CDK5RAP2: variants seen among roughly 807,000 people sequenced by gnomAD.
CDK5RAP2 encodes CDK5 regulatory subunit-associated protein 2.
In CDK5RAP2, 147 loss-of-function variants were observed where a neutral mutation model predicts 232.9. That is an observed-to-expected ratio of 0.63 (90% CI 0.55 to 0.72). The LOEUF (loss-of-function observed/expected upper bound fraction) is 0.72, where lower values mean the gene tolerates loss of function less well. CDK5RAP2 is among the 30% of genes least tolerant of loss of function. The pLI, the probability that CDK5RAP2 is intolerant of heterozygous loss-of-function variation, is 0.00. For missense variants in CDK5RAP2, 2,195 were observed against 2,231.5 expected (o/e 0.98, Z 0.33); for synonymous variants, 833 against 833.7 (o/e 1.00, Z 0.01).
chr9:120,514,930 TAAC>T (rs1456896488), intron 12 of CDK5RAP2, among the ~76,000 whole-genome samples: 4 of 152,266 alleles, frequency 2.6e-5, no homozygotes, highest in Admixed American at 2.6e-4. Context: ...AAATAATGTC[TAAC>T]AACAGAGGTA....
chr9:120,400,752 T>C lies in CDK5RAP2; in HGVS notation c.5441A>G (p.His1814Arg), dbSNP rs780417847. The C allele has an allele frequency of 6.2e-7, 1 of 1,613,614 alleles. No individual in the cohort carries two copies. The highest frequency in any genetic ancestry group is 8.5e-7 in the Non-Finnish European group (1 of 1,179,998). ...TGTGTCACCACCTACCTGCTCACAG[T>C]GAAGGGGGCACTGGCCATCCTCGGG... ...SLPEDGQCPL[H>R]CEQIGEMKAE... The change falls in exon 35 of 38, where the codon CAC becomes CGC. Residue 1814 changes from histidine to arginine, a missense_variant. Transcript: ENST00000349780.
At position 120,518,504 on chromosome 9, in the gene CDK5RAP2, G is replaced by C. The variant is rs761349899; in HGVS notation, c.1234C>G (p.Gln412Glu). The part of the protein sequence containing the change: ...KKITQELSDL[Q>E]QERERLEKDL... ...TTCTCCAGTCTCTCCCTCTCCTGCTGCAAGTCACTCAGCTCCTGGGTGATC... is the reference window on the plus strand; with the variant it reads ...TTCTCCAGTCTCTCCCTCTCCTGCTCCAAGTCACTCAGCTCCTGGGTGATC... The change falls in exon 12 of 38, where the codon CAG becomes GAG. Residue 412 changes from glutamine (Q) to glutamate (E), a missense_variant. Transcript: ENST00000349780. 6.2e-7 allele frequency: 1 copy of C among 1,613,724 alleles called. No individual in the cohort carries two copies. Among genetic ancestry groups the C allele is most frequent in the Non-Finnish European group, 8.5e-7 (1 of 1,179,974 alleles).
At chr9:120,534,680 C>T (rs2041307217) in intron 7 of CDK5RAP2, among the ~76,000 whole-genome samples, 2 of 152,254 alleles carry the variant, frequency 1.3e-5, no homozygotes, top group African/African-American at 2.4e-5. Context: ...TCTATTCATT[C>T]TGTCCCAGGA....
chr9:120,475,410 T>G (rs2037951407), intron 15 of CDK5RAP2, among the ~76,000 whole-genome samples: 2 of 152,172 alleles, frequency 1.3e-5, no homozygotes, highest in African/African-American at 2.4e-5. Flanking sequence ...CTGTGAAACT[T>G]GGGAGCCCCT....
intron 11 of CDK5RAP2, among the ~76,000 whole-genome samples, chr9:120,520,745 TATCTC>T (rs1345117996): frequency 1.3e-5 from 2 of 151,242 alleles, no homozygotes; most frequent in Non-Finnish European, 3.0e-5. Flanking sequence ...TATCATGTGA[TATCTC>T]ATATCTCATG....
At chr9:120,488,578 T>C (rs1001946532) in intron 13 of CDK5RAP2, among the ~76,000 whole-genome samples, 2 of 152,224 alleles carry the variant, frequency 1.3e-5, no homozygotes, top group Non-Finnish European at 2.9e-5. Context: ...CTATATTACA[T>C]TCCTATTCTT....
At chr9:120,469,785 G>A (rs2037587547) in intron 17 of CDK5RAP2, among the ~76,000 whole-genome samples, 1 of 152,190 alleles carries the variant, frequency 6.6e-6, no homozygotes, top group Non-Finnish European at 1.5e-5. Context: ...TTATAGATCA[G>A]TAAAATAAGG....
chr9:120,571,023 G>C (rs187051905), intron 2 of CDK5RAP2, among the ~76,000 whole-genome samples: 1 of 152,272 alleles, frequency 6.6e-6, no homozygotes. Context: ...GCCAGGTGTC[G>C]TGGCACACGC....
chr9:120,429,804 C>T (rs2035163436), intron 25 of CDK5RAP2, among the ~76,000 whole-genome samples: 2 of 152,196 alleles, frequency 1.3e-5, no homozygotes, highest in Admixed American at 1.3e-4. Flanking sequence ...ATCGCCAAGT[C>T]AATCCTAAGC....
chr9:120,532,483 G>A (rs772790416), intron 7 of CDK5RAP2: 1 of 152,250 alleles, frequency 6.6e-6, no homozygotes, highest in Non-Finnish European at 1.5e-5. Context: ...CTGCCCAACA[G>A]TGAGTCAATC....
rs370015812 is a variant in CDK5RAP2 at position 120,522,583 on chromosome 9, T to A, written c.1092+2403A>T. ...TAAGTACTTTATAAATTTCCTACAA[T>A]GTGCATTTTTACTTTAATAGCTGGG... On this transcript the variant is annotated intron_variant, in intron 11 of 37. Transcript: ENST00000349780. Among the ~76,000 whole-genome samples the A allele has an allele frequency of 2.0e-5, 3 of 152,348 alleles. No individual in the cohort carries two copies. The East Asian group carries it at 5.8e-4, about 29-fold the overall frequency.
intron 10 of CDK5RAP2, 55 bp from the exon 11 acceptor site, chr9:120,525,133 A>T (rs2040843355): frequency 7.8e-7 from 1 of 1,276,734 alleles, no homozygotes; most frequent in African/African-American, 1.5e-5. Flanking sequence ...TCCTCTCTGC[A>T]CAGCCCACAT....
In CDK5RAP2 at chr9:120,467,727, C is replaced by A. The variant is rs1368436229; in HGVS notation, c.2106+133G>T. On this transcript the variant is annotated intron_variant, in intron 18 of 37. Coordinates refer to ENST00000349780, the MANE Select transcript of CDK5RAP2 (RefSeq NM_018249.6). Reference sequence around the variant, plus strand: ...GTGGTGTAATCACAGCTCACTGCAGCCTCAACGTCCTGGGCCCAAGTGATC... The same window carrying A: ...GTGGTGTAATCACAGCTCACTGCAGACTCAACGTCCTGGGCCCAAGTGATC... 1.5e-5 allele frequency: 13 copies of A among 882,336 alleles called. No homozygotes were observed. The East Asian group carries it at 3.4e-4, about 23-fold the overall frequency. The allele number at this position is 882,336 out of a possible 1,614,324, so 54.7% of individuals were successfully genotyped here.
At chr9:120,536,661 T>C (rs1337111808) in intron 6 of CDK5RAP2, 135 bp from the exon 7 acceptor site, 3 of 859,684 alleles carry the variant, frequency 3.5e-6, no homozygotes, top group African/African-American at 3.3e-5. Flanking sequence ...GTACTATACA[T>C]GGAGAGAATC....
At chr9:120,401,981 CT>C (rs1308128661) in intron 34 of CDK5RAP2, among the ~76,000 whole-genome samples, 1 of 150,786 alleles carries the variant, frequency 6.6e-6, no homozygotes, top group Non-Finnish European at 1.5e-5. Flanking sequence ...GAGACTCCAT[CT>C]CAAAAAAAAA....
chr9:120,568,306 G>C lies in CDK5RAP2; in HGVS notation c.195+15C>G, dbSNP rs2042720306. Reference sequence around the variant, plus strand: ...CACAATTTGTTGGGGGCAGTAATTTGGTATTTCCACTTACATTTTCAAAGT... The same window carrying C: ...CACAATTTGTTGGGGGCAGTAATTTCGTATTTCCACTTACATTTTCAAAGT... On this transcript the variant is annotated intron_variant, in intron 3 of 37. Transcript: ENST00000349780. 2 of 1,592,760 alleles carry C rather than the reference G, an allele frequency of 1.3e-6. No homozygotes were observed. Among genetic ancestry groups the C allele is most frequent in the African/African-American group, 1.3e-5 (1 of 74,470 alleles).
Position 120,524,923 on chromosome 9 carries a change from A to T in CDK5RAP2, c.1092+63T>A, listed in dbSNP as rs2040832348. On this transcript the variant is annotated intron_variant, in intron 11 of 37. Coordinates refer to ENST00000349780, the MANE Select transcript of CDK5RAP2 (RefSeq NM_018249.6). ...ATCACCCAAGTTCTTTCAGCTGCAA[A>T]GTCCTCACCTCACCAGGGGTCAGGA... 6 of 1,159,402 alleles carry T rather than the reference A, an allele frequency of 5.2e-6. No individual in the cohort carries two copies. The South Asian group carries it at 7.3e-5, about 14-fold the overall frequency. The allele number at this position is 1,159,402 out of a possible 1,614,324, so 71.8% of individuals were successfully genotyped here. A position where few individuals can be genotyped will look rare whatever the true frequency, so the allele number is the denominator to read the frequency against.
At chr9:120,456,240 G>C (rs528550936) in intron 20 of CDK5RAP2, among the ~76,000 whole-genome samples, 127 of 152,338 alleles carry the variant, frequency 8.3e-4, no homozygotes, top group Non-Finnish European at 1.5e-3. Context: ...TCAGCAAAGA[G>C]CAGGGGACAG....
intron 14 of CDK5RAP2, among the ~76,000 whole-genome samples, chr9:120,486,078 C>G (rs955298285): frequency 2.6e-5 from 4 of 152,302 alleles, no homozygotes; most frequent in African/African-American, 9.6e-5. Flanking sequence ...TACTTCCACA[C>G]CAGTTGGAAA....
Sources: gnomAD v4.1 joint callset for allele counts (sites outside exome capture counted in the v4.1 genomes callset) on GRCh38, gnomAD v4.1.1 for gene constraint, MANE v1.5 for transcripts, NCBI Gene and HGNC (gene_info 2026-07-23, HGNC 2026-07-21) for gene names.